Variants in LOC122539214 observed in about 807,000 individuals in gnomAD.
the LOC122539214 span, among the ~76,000 whole-genome samples, chr19:52,679,543 G>A: frequency 6.6e-6 from 1 of 152,132 alleles, no homozygotes; most frequent in Admixed American, 6.5e-5. Context: ...CCCAGAAGGT[G>A]GAGGTTGCAA....
chr19:52,681,331 T>G, the LOC122539214 span, among the ~76,000 whole-genome samples: 1 of 144,752 alleles, frequency 6.9e-6, no homozygotes, highest in Non-Finnish European at 1.5e-5. Context: ...TCTCTACAGA[T>G]AGTATGTTCA....
the LOC122539214 span, among the ~76,000 whole-genome samples, chr19:52,684,739 G>A: frequency 1.3e-5 from 2 of 152,120 alleles, no homozygotes. Context: ...ATCATTTAGG[G>A]ACATAGGGTA....
the LOC122539214 span, among the ~76,000 whole-genome samples, chr19:52,682,674 CAAGAAAAAGAAA>C: frequency 0.066 from 9,881 of 149,900 alleles, 425 homozygotes; most frequent in Non-Finnish European, 0.093. Context: ...TCTCAAAAAA[CAAGAAAAAGAAA>C]AAGAAAAAGA....
chr19:52,677,123 TTAAAAAA>T, the LOC122539214 span, among the ~76,000 whole-genome samples: 1 of 34,244 alleles, frequency 2.9e-5, no homozygotes, highest in Non-Finnish European at 4.9e-5. Context: ...GAATGATCAA[TTAAAAAA>T]AAAAAGAAAA....
chr19:52,678,458 A>AAG, the LOC122539214 span, among the ~76,000 whole-genome samples: 9 of 151,454 alleles, frequency 5.9e-5, no homozygotes, highest in African/African-American at 9.7e-5. Flanking sequence ...TCAAAAAAAA[A>AAG]AAAAAAGAAA....
the LOC122539214 span, among the ~76,000 whole-genome samples, chr19:52,661,273 T>C: frequency 1.3e-5 from 2 of 152,140 alleles, no homozygotes; most frequent in Non-Finnish European, 2.9e-5. Context: ...CCAGAGATCA[T>C]GCAGAGATAA....
chr19:52,674,688 A>G, the LOC122539214 span, among the ~76,000 whole-genome samples: 1 of 152,162 alleles, frequency 6.6e-6, no homozygotes, highest in African/African-American at 2.4e-5. Context: ...TTAAACTAAG[A>G]TATACTTAGG....
At chr19:52,651,740 A>C in the LOC122539214 span, 3 of 157,230 alleles carry the variant, frequency 1.9e-5, no homozygotes, top group African/African-American at 7.2e-5. Flanking sequence ...GAAGGAAAGA[A>C]AAAACAGGCT....
At chr19:52,657,755 G>T in the LOC122539214 span, among the ~76,000 whole-genome samples, 1 of 151,930 alleles carries the variant, frequency 6.6e-6, no homozygotes, top group African/African-American at 2.4e-5. Context: ...GCTGAGGCAG[G>T]AGAATCGCTT....
At chr19:52,659,966 G>A in the LOC122539214 span, among the ~76,000 whole-genome samples, 2 of 152,174 alleles carry the variant, frequency 1.3e-5, no homozygotes, top group Non-Finnish European at 2.9e-5. Flanking sequence ...GCTGAGGCGG[G>A]CAGATCATGA....
the LOC122539214 span, among the ~76,000 whole-genome samples, chr19:52,676,137 C>T: frequency 0.01 from 1,585 of 152,316 alleles, 28 homozygotes; most frequent in African/African-American, 0.034. Flanking sequence ...CGCGCCGCCA[C>T]GCCTGACTGG....
chr19:52,682,264 T>G, the LOC122539214 span, among the ~76,000 whole-genome samples: 28 of 152,300 alleles, frequency 1.8e-4, no homozygotes, highest in African/African-American at 6.7e-4. Context: ...AACCATGGAC[T>G]TATCCATCCA....
the LOC122539214 span, among the ~76,000 whole-genome samples, chr19:52,687,633 G>GTGTATATATATATATATATATATAATGTA: frequency 3.6e-4 from 10 of 27,834 alleles, 3 homozygotes; most frequent in African/African-American, 3.1e-3. Flanking sequence ...TATATATAAT[G>GTGTATATATATATATATATATATAATGTA]TATATATATA....
At chr19:52,683,524 A>ACCTGCT in the LOC122539214 span, among the ~76,000 whole-genome samples, 1 of 20,894 alleles carries the variant, frequency 4.8e-5, no homozygotes, top group Non-Finnish European at 9.8e-5. Flanking sequence ...GGGAATCCAA[A>ACCTGCT]GGGAAGGGCA....
At chr19:52,684,101 G>A in the LOC122539214 span, among the ~76,000 whole-genome samples, 1 of 152,108 alleles carries the variant, frequency 6.6e-6, no homozygotes, top group African/African-American at 2.4e-5. Flanking sequence ...TGGGTGCAGG[G>A]CTCATGCCTG....
chr19:52,669,204 C>T, the LOC122539214 span, among the ~76,000 whole-genome samples: 1 of 152,090 alleles, frequency 6.6e-6, no homozygotes, highest in Non-Finnish European at 1.5e-5. Context: ...TTTCATCAAC[C>T]AGAGAAAGGA....
At chr19:52,677,329 A>AAAAAT in the LOC122539214 span, among the ~76,000 whole-genome samples, 1 of 129,112 alleles carries the variant, frequency 7.7e-6, no homozygotes, top group Admixed American at 8.0e-5. Flanking sequence ...AAAAAAAAAA[A>AAAAAT]ACAAAAATTA....
the LOC122539214 span, among the ~76,000 whole-genome samples, chr19:52,687,641 A>G: frequency 1.5e-3 from 59 of 38,274 alleles, 2 homozygotes; most frequent in African/African-American, 0.016. Context: ...ATGTATATAT[A>G]TATATATATA....
the LOC122539214 span, among the ~76,000 whole-genome samples, chr19:52,665,709 A>G: frequency 2.0e-5 from 3 of 152,108 alleles, no homozygotes; most frequent in Admixed American, 6.5e-5. Flanking sequence ...AAATTAGCCA[A>G]TCGGAATTAG....
Sources: gnomAD v4.1 joint callset for allele counts (sites outside exome capture counted in the v4.1 genomes callset) on GRCh38, gnomAD v4.1.1 for gene constraint, MANE v1.5 for transcripts.